Variants in STRA6 observed in about 807,000 individuals in gnomAD.
STRA6 encodes the protein receptor for retinol uptake STRA6.
STRA6 carries 48 observed loss-of-function variants against 83.6 expected under a neutral mutation model. The ratio of observed to expected loss-of-function variants is 0.57; its 90% CI spans 0.46 to 0.73. STRA6 has a LOEUF of 0.73. STRA6 is among the 30% of genes least tolerant of loss of function. The pLI is 0.00. For synonymous variants in STRA6, 353 were observed against 362.3 expected, an observed-to-expected ratio of 0.97 and a Z score of 0.29; for missense variants, 760 against 838.8, an observed-to-expected ratio of 0.91 and a Z score of 1.16.
chr15:74,190,738 G>A (rs1030602285), intron 11 of STRA6, 102 bp downstream of exon 11: 10 of 1,568,562 alleles, frequency 6.4e-6, no homozygotes, highest in Non-Finnish European at 8.8e-6. Flanking sequence ...CAGGGTTCTG[G>A]ATGGAGCACC....
intron 4 of STRA6, among the ~76,000 whole-genome samples, chr15:74,196,504 G>A (rs149765765): frequency 1.2e-3 from 187 of 152,296 alleles, no homozygotes; most frequent in African/African-American, 4.0e-3. Context: ...TACAACAGCC[G>A]CCGCCCTGGG....
At chr15:74,183,789 C>A in intron 14 of STRA6, 67 bp downstream of exon 14, 2 of 1,611,748 alleles carry the variant, frequency 1.2e-6, no homozygotes, top group Non-Finnish European at 1.7e-6. Context: ...CTCTTCTCCC[C>A]AACTGAGGCC....
chr15:74,184,581 A>G (rs948090167), intron 13 of STRA6, among the ~76,000 whole-genome samples: 3 of 152,144 alleles, frequency 2.0e-5, no homozygotes, highest in Non-Finnish European at 4.4e-5. Context: ...ACACTCTCAC[A>G]TGGCAGGGCC....
upstream of STRA6, among the ~76,000 whole-genome samples, chr15:74,204,849 C>T (rs1183868091): frequency 4.6e-5 from 7 of 152,046 alleles, no homozygotes; most frequent in African/African-American, 1.5e-4. Flanking sequence ...GCAGGAGAAT[C>T]GCTTGAACCC....
Position 74,191,466 on chromosome 15 carries a change from T to A in STRA6, c.746A>T (p.Glu249Val). 6.2e-7 allele frequency: 1 copy of A among 1,614,162 alleles called. No individual in the cohort carries two copies. The highest frequency in any genetic ancestry group is 8.5e-7 in the Non-Finnish European group (1 of 1,180,022). Residue 249 changes from glutamate to valine, a missense_variant, in exon 9 of 19, where the codon GAA becomes GTA. Coordinates refer to ENST00000395105, the MANE Select transcript of STRA6 (RefSeq NM_022369.4). The part of the protein sequence containing the change: ...SKGLQSSYSE[E>V]YLRNLLCRKK... The stretch of plus-strand genomic sequence containing the variant: ...CCTGCAAAGGAGGTTCCTCAGATAT[T>A]CCTCAGAGTAGCTGCTCTGCAGCCC...
chr15:74,181,367 G>T lies in STRA6; in HGVS notation c.1612C>A (p.Leu538Ile). Reference protein sequence around the residue: ...VATWRVLLSALYNAIHLGQMD... With the variant: ...VATWRVLLSAIYNAIHLGQMD... ...TGGCCAAGGTGGATGGCGTTGTAGA[G>T]GGCAGAGAGGAGCACTCGCCAGGTG... The change falls in exon 17 of 19, where the codon CTC becomes ATC. Residue 538 changes from leucine (L) to isoleucine (I), a missense_variant. Physicochemically the swap from Leu to Ile is conservative, Grantham distance 5. Coordinates refer to ENST00000395105, the MANE Select transcript of STRA6 (RefSeq NM_022369.4). The T allele has an allele frequency of 6.2e-7, 1 of 1,613,786 alleles. No homozygotes were observed. The highest frequency in any genetic ancestry group is 8.5e-7 in the Non-Finnish European group (1 of 1,179,940).
At chr15:74,196,381 T>C (rs2073824346) in intron 4 of STRA6, 1 of 614,756 alleles carries the variant, frequency 1.6e-6, no homozygotes, top group Non-Finnish European at 2.8e-6. Context: ...GAAGAAGCCC[T>C]AAGACTGCTC....
chr15:74,197,466 C>T (rs1284676203), intron 3 of STRA6, 43 bp from the exon 4 acceptor site: 2 of 1,488,392 alleles, frequency 1.3e-6, no homozygotes, highest in African/African-American at 2.8e-5. Context: ...GCCCAGGCCT[C>T]CCCTGAGGGT....
chr15:74,201,299 C>T (rs773861697), intron 2 of STRA6, among the ~76,000 whole-genome samples: 9 of 152,180 alleles, frequency 5.9e-5, no homozygotes, highest in South Asian at 2.1e-4. Context: ...ACATCTGGCT[C>T]GGCAACCCCC....
intron 8 of STRA6, 50 bp downstream of exon 8, chr15:74,193,750 G>A: frequency 6.2e-7 from 1 of 1,609,014 alleles, no homozygotes; most frequent in African/African-American, 1.3e-5. Context: ...CGGGGGAGTA[G>A]GGCTGTCTTG....
At chr15:74,195,101 G>A (rs1257800401) in intron 7 of STRA6, 1 of 1,474,466 alleles carries the variant, frequency 6.8e-7, no homozygotes, top group Non-Finnish European at 9.0e-7. Context: ...CCTGAGGGCT[G>A]GGCCCAGCCA....
In STRA6 at chr15:74,191,319, A is replaced by G. The variant is rs556414437; in HGVS notation, c.789-76T>C. The G allele has an allele frequency of 2.5e-6, 4 of 1,608,602 alleles. No homozygotes were observed. The South Asian group carries it at 3.3e-5, about 13-fold the overall frequency. ...TGAGGGCCAGCCCCAGAGGCTGGTC[A>G]TTCTTCCCCTCTGCCCCTGCCATGC... On this transcript the variant is annotated intron_variant, in intron 9 of 18. Transcript: ENST00000395105.
At chr15:74,198,489 T>G (rs1348056140) in intron 2 of STRA6, among the ~76,000 whole-genome samples, 1 of 152,198 alleles carries the variant, frequency 6.6e-6, no homozygotes, top group Non-Finnish European at 1.5e-5. Context: ...TGACTGCTCC[T>G]GGTCTCACAG....
chr15:74,195,815 G>T, intron 5 of STRA6, 140 bp from the exon 6 acceptor site: 1 of 947,986 alleles, frequency 1.1e-6, no homozygotes, highest in Non-Finnish European at 1.6e-6. Context: ...TGCAAAATGG[G>T]GCTAATATGC....
At chr15:74,181,480 G>A (rs757313431) in intron 16 of STRA6, 22 bp from the exon 17 acceptor site, 1 of 1,611,976 alleles carries the variant, frequency 6.2e-7, no homozygotes, top group Non-Finnish European at 8.5e-7. Flanking sequence ...GAAGAAAGCT[G>A]AGGCAGGCCG....
intron 12 of STRA6, among the ~76,000 whole-genome samples, chr15:74,185,257 C>T (rs892165877): frequency 6.6e-6 from 1 of 152,228 alleles, no homozygotes; most frequent in Non-Finnish European, 1.5e-5. Context: ...TTCCCAGTGA[C>T]ATACAGTGGT....
intron 8 of STRA6, 55 bp from the exon 9 acceptor site, chr15:74,191,546 G>A: frequency 6.6e-7 from 1 of 1,507,926 alleles, no homozygotes; most frequent in Non-Finnish European, 9.2e-7. Context: ...CCCATTCGTG[G>A]GTCCCTGGCT....
At chr15:74,196,206 C>T (rs1384679516) in intron 4 of STRA6, 59 bp from the exon 5 acceptor site, 1 of 1,602,578 alleles carries the variant, frequency 6.2e-7, no homozygotes, top group Non-Finnish European at 8.5e-7. Context: ...ACCCCCATTA[C>T]CTCCCAGCTG....
intron 1 of STRA6, 58 bp downstream of exon 1, chr15:74,202,655 A>C: frequency 7.1e-7 from 1 of 1,400,072 alleles, no homozygotes; most frequent in Non-Finnish European, 9.2e-7. Context: ...GAGCTGCCTA[A>C]AGAGACGCCC....
Sources: gnomAD v4.1 joint callset for allele counts (sites outside exome capture counted in the v4.1 genomes callset) on GRCh38, gnomAD v4.1.1 for gene constraint, MANE v1.5 for transcripts, NCBI Gene and HGNC (gene_info 2026-07-23, HGNC 2026-07-21) for gene names.